The following ANAPC7 variants were observed in gnomAD, a reference collection of about 807,000 sequenced individuals.
ANAPC7 encodes anaphase promoting complex subunit 7, also known as anaphase-promoting complex subunit 7.
ANAPC7 carries 25 observed loss-of-function variants against 63.3 expected under a neutral mutation model. The ratio of observed to expected loss-of-function variants is 0.39; its 90% CI spans 0.29 to 0.55. ANAPC7 has a LOEUF of 0.55. Ranked by LOEUF, ANAPC7 falls within the 20% of genes least tolerant of loss-of-function variation. The probability of loss-of-function intolerance (pLI) is 0.57; values close to 1 mark genes in which losing one functional copy is unlikely to be tolerated. For synonymous variants in ANAPC7, 241 were observed against 251.7 expected (o/e 0.96, Z 0.40); for missense variants, 516 against 691.7 (o/e 0.75, Z 2.85).
chr12:110,389,805 G>A lies in ANAPC7; in HGVS notation c.409-1182C>T, dbSNP rs372195221. ...AAATTAGCTGGGCGTGGTGGCGGGC[G>A]CCTGTAGTCCCAGCTACTCAGGAGG... On this transcript the variant is annotated intron_variant, in intron 3 of 10. Transcript: ENST00000455511. 8.3e-3 allele frequency among the ~76,000 whole-genome samples: 1,266 copies of A among 151,906 alleles called. 1 individual carries two copies. Among genetic ancestry groups the A allele is most frequent in the Non-Finnish European group, 9.4e-3 (641 of 67,956 alleles).
At chr12:110,391,897 T>A (rs901222557) in intron 3 of ANAPC7, among the ~76,000 whole-genome samples, 9 of 151,940 alleles carry the variant, frequency 5.9e-5, no homozygotes, top group Non-Finnish European at 1.3e-4. Flanking sequence ...ATCGAGACCA[T>A]CCTGGCCAAC....
In ANAPC7 at chr12:110,388,555, C is replaced by G; in HGVS notation, c.477G>C (p.Lys159Asn). 6.2e-7 allele frequency: 1 copy of G among 1,614,184 alleles called. No individual in the cohort carries two copies. ...CTAATGGGCACTGCCTCAGCACCTC[C>G]TTATAGCTGGTGACTGAAGGGCGCT... is the stretch of plus-strand genomic sequence containing the variant. The part of the protein sequence containing the change: ...GQERPSVTSY[K>N]EVLRQCPLAL... Residue 159 changes from lysine (K) to asparagine (N), a missense_variant, in exon 4 of 11, where the codon AAG becomes AAC. By Grantham distance (94) the Lys-to-Asn change is moderately conservative. This residue lies in a region of ANAPC7 where 185 missense variants were observed against 200.3 expected (regional missense o/e 0.92). Coordinates refer to ENST00000455511, the MANE Select transcript of ANAPC7 (RefSeq NM_016238.3).
chr12:110,395,027 TG>T (rs1883449361), intron 3 of ANAPC7, 73 bp downstream of exon 3: 1 of 1,531,588 alleles, frequency 6.5e-7, no homozygotes, highest in African/African-American at 1.4e-5. Context: ...GACTCCTTAA[TG>T]CATGAGAAAA....
chr12:110,391,948 T>C (rs1364190768), intron 3 of ANAPC7, among the ~76,000 whole-genome samples: 3 of 151,730 alleles, frequency 2.0e-5, no homozygotes, highest in Non-Finnish European at 4.4e-5. Context: ...AAAAAGTAGC[T>C]GGGCGTGGTG....
In ANAPC7 at chr12:110,373,904, G is replaced by A. The variant is rs1031709424; in HGVS notation, c.*240C>T. The A allele has an allele frequency of 2.1e-5, 9 of 433,222 alleles. No homozygotes were observed. The highest frequency in any genetic ancestry group is 8.3e-5 in the Admixed American group (2 of 24,122). The allele number at this position is 433,222 out of a possible 1,614,324, so 26.8% of individuals were successfully genotyped here. A position where few individuals can be genotyped will look rare whatever the true frequency, so the allele number is the denominator to read the frequency against. On this transcript the variant is annotated 3_prime_UTR_variant, in exon 11 of 11. Coordinates refer to ENST00000455511, the MANE Select transcript of ANAPC7 (RefSeq NM_016238.3). ...AAGCCCCAACATGTGCGTGGGTCTC[G>A]GGGCACTCCCTCAGTCCTCCCTGGC...
intron 1 of ANAPC7, 57 bp from the exon 2 acceptor site, chr12:110,396,509 C>G: frequency 7.2e-7 from 1 of 1,390,392 alleles, no homozygotes; most frequent in East Asian, 2.5e-5. Flanking sequence ...CCAAGCTCCC[C>G]CAGCTTCTTT....
At chr12:110,388,431 T>G (rs1163407330) in intron 4 of ANAPC7, 81 bp downstream of exon 4, 3 of 1,069,272 alleles carry the variant, frequency 2.8e-6, no homozygotes, top group Non-Finnish European at 4.2e-6. Flanking sequence ...AAAATAAAGT[T>G]ATTCTAATGT....
chr12:110,382,705 G>C (rs1592902976), intron 7 of ANAPC7, 138 bp downstream of exon 7: 1 of 669,916 alleles, frequency 1.5e-6, no homozygotes, highest in African/African-American at 1.8e-5. Flanking sequence ...AAAGTGTTGA[G>C]ATTACAGGCA....
intron 8 of ANAPC7, among the ~76,000 whole-genome samples, chr12:110,380,946 G>A (rs901504312): frequency 6.6e-6 from 1 of 151,528 alleles, no homozygotes; most frequent in Non-Finnish European, 1.5e-5. Flanking sequence ...TCAAAAAAAA[G>A]AGGAGTAAGA....
intron 3 of ANAPC7, among the ~76,000 whole-genome samples, chr12:110,394,666 C>T (rs140037413): frequency 0.037 from 2,531 of 67,592 alleles, 60 homozygotes; most frequent in Middle Eastern, 0.088. Flanking sequence ...TGAAATTCCA[C>T]CTCAAAAAAA....
intron 6 of ANAPC7, 111 bp downstream of exon 6, chr12:110,386,216 T>C: frequency 6.7e-7 from 1 of 1,486,296 alleles, no homozygotes; most frequent in Non-Finnish European, 9.2e-7. Context: ...ATAAGTTTTA[T>C]ACACCATTTC....
chr12:110,388,794 A>T (rs530915258), intron 3 of ANAPC7, among the ~76,000 whole-genome samples, 171 bp from the exon 4 acceptor site: 44 of 152,272 alleles, frequency 2.9e-4, no homozygotes, highest in Non-Finnish European at 5.7e-4. Flanking sequence ...AAGAAAGAAG[A>T]AATTGGCCAG....
intron 7 of ANAPC7, among the ~76,000 whole-genome samples, chr12:110,382,483 T>TAC (rs1882022404): frequency 1.5e-5 from 2 of 133,056 alleles, no homozygotes; most frequent in African/African-American, 5.6e-5. Flanking sequence ...TATATATATA[T>TAC]ATATATATAT....
chr12:110,395,070 G>A lies in ANAPC7; in HGVS notation c.408+31C>T, dbSNP rs767013286. On this transcript the variant is annotated intron_variant, in intron 3 of 10. Transcript: ENST00000455511. ...GAGAGGGAGCAGGGTTAGGAGAGCT[G>A]AGGAGAAAAACACATAAACATTCAA... is the stretch of plus-strand genomic sequence containing the variant. The A allele has an allele frequency of 1.3e-5, 21 of 1,605,976 alleles. No individual in the cohort carries two copies. In the Admixed American group the frequency reaches 3.2e-4, roughly 25 times the overall value.
chr12:110,374,269 TG>T lies in ANAPC7; in HGVS notation c.1572del (p.Thr525ArgfsTer56). The T allele has an allele frequency of 6.2e-7, 1 of 1,614,154 alleles. No individual in the cohort carries two copies. Among genetic ancestry groups the T allele is most frequent in the Non-Finnish European group, 8.5e-7 (1 of 1,180,026 alleles). On this transcript the variant is annotated frameshift_variant, in exon 11 of 11. Transcript: ENST00000455511. LOFTEE classifies it high-confidence loss of function. ...GMQKMEKEES[P>X]TDATQEEDVD... is the part of the protein sequence containing the mutation. ...ACATCCTCCTCCTGAGTGGCATCCG[TG>T]GGACTCTCCTCCTTCTCCATCTTCT...
chr12:110,382,763 CA>C, intron 7 of ANAPC7, 79 bp downstream of exon 7: 1 of 1,235,950 alleles, frequency 8.1e-7, no homozygotes. Flanking sequence ...CCTGTGCTTT[CA>C]ATTTATATTC....
chr12:110,375,333 C>T (rs1190157084), intron 10 of ANAPC7: 23 of 780,426 alleles, frequency 2.9e-5, no homozygotes, highest in Non-Finnish European at 3.6e-5. Context: ...ATAGCATCTC[C>T]AGTTGTCACT....
At chr12:110,391,019 G>A (rs1186898524) in intron 3 of ANAPC7, among the ~76,000 whole-genome samples, 2 of 152,002 alleles carry the variant, frequency 1.3e-5, no homozygotes, top group Admixed American at 6.6e-5. Flanking sequence ...GTGAAACCCC[G>A]TCTCTACTAG....
intron 1 of ANAPC7, 85 bp downstream of exon 1, chr12:110,403,442 G>T (rs1387429238): frequency 2.4e-5 from 34 of 1,446,794 alleles, no homozygotes; most frequent in Non-Finnish European, 3.1e-5. Context: ...GCTCCTTCCC[G>T]CCTGTTCCCA....
Sources: gnomAD v4.1 joint callset for allele counts (sites outside exome capture counted in the v4.1 genomes callset) on GRCh38, gnomAD v4.1.1 for gene constraint, gnomAD v4.1.1 regional missense constraint, MANE v1.5 for transcripts, NCBI Gene and HGNC (gene_info 2026-07-23, HGNC 2026-07-21) for gene names.